PRIM2: variants seen among roughly 807,000 people sequenced by gnomAD.
PRIM2 encodes the protein DNA primase large subunit.
Under a neutral mutation model 67.3 loss-of-function variants are expected in PRIM2, and 39 were observed. That is an observed-to-expected ratio of 0.58 (90% CI 0.45 to 0.76). The LOEUF is 0.76. Among genes scored for constraint, PRIM2 ranks in the 30% least tolerant of loss-of-function variants. The pLI, the probability that PRIM2 is intolerant of heterozygous loss-of-function variation, is 0.00. For synonymous variants in PRIM2, 143 were observed against 198.7 expected, an observed-to-expected ratio of 0.72 and a Z score of 2.36; for missense variants, 398 against 598.7, an observed-to-expected ratio of 0.66 and a Z score of 3.50.
chr6:57,250,936 G>A, the PRIM2 span, among the ~76,000 whole-genome samples: 56 of 152,196 alleles, frequency 3.7e-4, no homozygotes, highest in African/African-American at 1.2e-3. Context: ...TTTTAGATTT[G>A]TGATTCTCAA....
intron 7 of PRIM2, among the ~76,000 whole-genome samples, chr6:57,453,411 T>C (rs200503215): frequency 2.6e-5 from 4 of 152,160 alleles, no homozygotes; most frequent in Admixed American, 6.5e-5. Context: ...ATTCTTCCTA[T>C]CCATGAGCAT....
intron 7 of PRIM2, among the ~76,000 whole-genome samples, chr6:57,417,463 C>T (rs549631698): frequency 6.6e-6 from 1 of 152,216 alleles, no homozygotes; most frequent in African/African-American, 2.4e-5. Context: ...AGGTGAGAAT[C>T]TTCCTTTCAC....
chr6:57,251,974 G>GCAA, the PRIM2 span, among the ~76,000 whole-genome samples: 3 of 152,226 alleles, frequency 2.0e-5, no homozygotes, highest in South Asian at 4.2e-4. Context: ...AATCAATCAA[G>GCAA]CAACCTTTAA....
intron 3 of PRIM2, among the ~76,000 whole-genome samples, 176 bp downstream of exon 3, chr6:57,320,736 A>G (rs1415162023): frequency 6.6e-6 from 1 of 152,194 alleles, no homozygotes; most frequent in Non-Finnish European, 1.5e-5. Flanking sequence ...TGATTATAAT[A>G]TGGCAGGGTT....
intron 7 of PRIM2, among the ~76,000 whole-genome samples, chr6:57,469,228 T>C (rs1225894964): frequency 3.9e-5 from 6 of 152,378 alleles, no homozygotes; most frequent in African/African-American, 7.2e-5. Flanking sequence ...ACTCTCTTTA[T>C]GTTGCTGAGA....
intron 7 of PRIM2, among the ~76,000 whole-genome samples, chr6:57,503,362 A>G (rs1774179535): frequency 1.3e-5 from 2 of 152,256 alleles, no homozygotes; most frequent in South Asian, 4.1e-4. Flanking sequence ...TTGTTGGGAA[A>G]GTATAGATTT....
chr6:57,427,188 G>A (rs1268972021), intron 7 of PRIM2, among the ~76,000 whole-genome samples: 2 of 151,984 alleles, frequency 1.3e-5, no homozygotes, highest in Non-Finnish European at 1.5e-5. Flanking sequence ...CTTAGTTTTC[G>A]TGTTACAGGT....
intron 7 of PRIM2, among the ~76,000 whole-genome samples, chr6:57,491,895 C>T (rs1773900925): frequency 6.6e-6 from 1 of 152,230 alleles, no homozygotes; most frequent in African/African-American, 2.4e-5. Flanking sequence ...TATAAGATGC[C>T]AATTCCTGGC....
rs568191985 is a variant in PRIM2, at chr6:57,330,985, G to A, written c.459+4940G>A. On this transcript the variant is annotated intron_variant, in intron 5 of 13. Coordinates refer to ENST00000615550, the MANE Select transcript of PRIM2 (RefSeq NM_000947.5). ...ATCACAAGGTCAGGAGTTTGAGACCGGCCTGACCAACATAGTGAAACCCCG... is the reference window on the plus strand; with the variant it reads ...ATCACAAGGTCAGGAGTTTGAGACCAGCCTGACCAACATAGTGAAACCCCG... Among the ~76,000 whole-genome samples, 820 of 151,708 alleles carry A rather than the reference G, an allele frequency of 5.4e-3. 7 individuals carry two copies. The highest frequency in any genetic ancestry group is 7.9e-3 in the Non-Finnish European group (533 of 67,882).
the PRIM2 span, among the ~76,000 whole-genome samples, chr6:57,234,747 A>T: frequency 1.1e-4 from 16 of 151,044 alleles, no homozygotes; most frequent in Non-Finnish European, 1.9e-4. Context: ...ATGGTCTTGA[A>T]CTCCTCACTT....
chr6:57,278,427 G>A, the PRIM2 span, among the ~76,000 whole-genome samples: 1 of 152,226 alleles, frequency 6.6e-6, no homozygotes, highest in South Asian at 2.1e-4. Context: ...CCTTCCATGT[G>A]TCCTCCTACC....
intron 7 of PRIM2, among the ~76,000 whole-genome samples, chr6:57,451,094 A>G (rs1581916530): frequency 6.6e-6 from 1 of 152,144 alleles, no homozygotes; most frequent in African/African-American, 2.4e-5. Context: ...TTGATGATGC[A>G]TGAATGTTAC....
chr6:57,372,895 A>T (rs958486181), intron 5 of PRIM2, among the ~76,000 whole-genome samples: 1 of 152,204 alleles, frequency 6.6e-6, no homozygotes, highest in African/African-American at 2.4e-5. Context: ...TGCTATTGTG[A>T]ATAGTGCTGC....
chr6:57,586,057 TAGTGAG>T (rs1310070036), intron 10 of PRIM2, among the ~76,000 whole-genome samples: 1 of 152,164 alleles, frequency 6.6e-6, no homozygotes, highest in Non-Finnish European at 1.5e-5. Flanking sequence ...TTTGCTCTCA[TAGTGAG>T]AGTGAGGTCA....
chr6:57,342,036 G>T (rs913783608), intron 5 of PRIM2, among the ~76,000 whole-genome samples: 17 of 152,346 alleles, frequency 1.1e-4, no homozygotes, highest in Non-Finnish European at 2.4e-4. Flanking sequence ...AGGAGGAGAT[G>T]CAGTGTTATA....
the PRIM2 span, among the ~76,000 whole-genome samples, chr6:57,308,533 A>C: frequency 6.6e-6 from 1 of 152,204 alleles, no homozygotes. Flanking sequence ...CTTTCTCTAG[A>C]GAATATACCT....
chr6:57,409,424 T>G (rs1771011566), intron 7 of PRIM2, among the ~76,000 whole-genome samples: 1 of 152,186 alleles, frequency 6.6e-6, no homozygotes, highest in Non-Finnish European at 1.5e-5. Flanking sequence ...ATCGCCCTCC[T>G]TGGCCTCCCA....
chr6:57,563,423 G>T (rs1291733021), intron 10 of PRIM2, among the ~76,000 whole-genome samples: 2 of 151,834 alleles, frequency 1.3e-5, no homozygotes, highest in African/African-American at 4.8e-5. Context: ...GTTAGTGTCA[G>T]AAAAAGCAGC....
chr6:57,277,489 T>C, the PRIM2 span, among the ~76,000 whole-genome samples: 1 of 152,176 alleles, frequency 6.6e-6, no homozygotes, highest in African/African-American at 2.4e-5. Flanking sequence ...TCAAGGAACT[T>C]ACAATGCAGT....
Sources: allele counts gnomAD v4.1 joint callset (sites outside exome capture counted in the v4.1 genomes callset), GRCh38; gene constraint gnomAD v4.1.1; transcripts MANE v1.5; gene names NCBI Gene and HGNC (gene_info 2026-07-23, HGNC 2026-07-21).